AQR: variants seen among roughly 807,000 people sequenced by gnomAD.
AQR encodes RNA helicase aquarius.
AQR carries 61 observed loss-of-function variants against 180.5 expected under a neutral mutation model. That is an observed-to-expected ratio of 0.34 (90% confidence interval 0.28 to 0.42). AQR has a LOEUF of 0.42. Among genes scored for constraint, AQR ranks in the 10% least tolerant of loss-of-function variants. AQR has a pLI of 1.00. For synonymous variants in AQR, 551 were observed against 588.8 expected (o/e 0.94, Z 0.93); for missense variants, 1,281 against 1,798.3 (o/e 0.71, Z 5.20).
intron 16 of AQR, among the ~76,000 whole-genome samples, chr15:34,910,796 T>C (rs1334714989): frequency 1.3e-5 from 2 of 152,190 alleles, no homozygotes; most frequent in Non-Finnish European, 2.9e-5. Flanking sequence ...GCATTTTTTG[T>C]GTGTGTGGTA....
intron 23 of AQR, 67 bp from the exon 24 acceptor site, chr15:34,890,391 T>C (rs1893126203): frequency 3.0e-6 from 4 of 1,338,704 alleles, no homozygotes; most frequent in African/African-American, 3.0e-5. Flanking sequence ...TTAGAAAGAA[T>C]CAAAGTTGAA....
chr15:34,889,023 C>T (rs1410697735), intron 24 of AQR, among the ~76,000 whole-genome samples: 3 of 152,138 alleles, frequency 2.0e-5, no homozygotes, highest in Non-Finnish European at 2.9e-5. Flanking sequence ...AATTCTACCC[C>T]TATTCTAATA....
intron 17 of AQR, 151 bp from the exon 18 acceptor site, chr15:34,906,863 T>C (rs1354784987): frequency 1.5e-6 from 1 of 681,726 alleles, no homozygotes. Flanking sequence ...AACACAATTA[T>C]GGGCTTTTCT....
intron 14 of AQR, among the ~76,000 whole-genome samples, chr15:34,918,808 T>C (rs1031722470): frequency 6.6e-6 from 1 of 152,252 alleles, no homozygotes; most frequent in Non-Finnish European, 1.5e-5. Context: ...TTTTGGACTA[T>C]AGTTTTCATT....
intron 12 of AQR, among the ~76,000 whole-genome samples, chr15:34,928,503 G>A (rs764832726): frequency 7.2e-5 from 11 of 152,184 alleles, no homozygotes; most frequent in South Asian, 2.1e-4. Context: ...AGCTTCATCC[G>A]TGTCCCCGCA....
At chr15:34,893,607 GCACACACA>G (rs386382691) in intron 23 of AQR, 48 bp downstream of exon 23, 34,011 of 997,302 alleles carry the variant, frequency 0.034, 789 homozygotes, top group African/African-American at 0.087. Context: ...GCGCATGCGT[GCACACACA>G]CACACACACA....
intron 5 of AQR, among the ~76,000 whole-genome samples, chr15:34,945,365 C>A (rs1452154716): frequency 6.6e-6 from 1 of 152,166 alleles, no homozygotes; most frequent in Non-Finnish European, 1.5e-5. Context: ...TTCATTTGCC[C>A]AAGCCTGGAA....
chr15:34,969,076 T>C (rs1007004891), intron 1 of AQR, among the ~76,000 whole-genome samples: 10 of 152,266 alleles, frequency 6.6e-5, no homozygotes, highest in Admixed American at 3.9e-4. Context: ...GATAGGTCTA[T>C]TTGGAGGTGT....
chr15:34,858,303 A>G (rs2140455925), intron 34 of AQR, among the ~76,000 whole-genome samples: 1 of 137,778 alleles, frequency 7.3e-6, no homozygotes, highest in African/African-American at 2.7e-5. Context: ...TTTAAAAAGT[A>G]CCGTGCACGA....
At chr15:34,949,794 T>TA (rs755539183) in intron 4 of AQR, among the ~76,000 whole-genome samples, 1,583 of 114,122 alleles carry the variant, frequency 0.014, 18 homozygotes, top group African/African-American at 0.031. Flanking sequence ...TTATCTCTAT[T>TA]AAAAAAAAAA....
chr15:34,871,226 G>C (rs1441894734), intron 30 of AQR, among the ~76,000 whole-genome samples: 2 of 152,128 alleles, frequency 1.3e-5, no homozygotes, highest in East Asian at 3.9e-4. Flanking sequence ...TACTATTCTG[G>C]CCAGGCATGG....
chr15:34,930,791 T>C (rs1490180068), intron 11 of AQR, among the ~76,000 whole-genome samples: 3 of 151,576 alleles, frequency 2.0e-5, no homozygotes, highest in Non-Finnish European at 4.4e-5. Context: ...CAATTCATAA[T>C]TGGAGATACT....
At chr15:34,930,151 A>C (rs1427520092) in intron 12 of AQR, 107 bp downstream of exon 12, 1 of 583,456 alleles carries the variant, frequency 1.7e-6, no homozygotes, top group African/African-American at 1.8e-5. Context: ...TGAATATAAA[A>C]ACACTATTAA....
intron 30 of AQR, among the ~76,000 whole-genome samples, chr15:34,873,608 TG>T (rs1226874870): frequency 6.6e-6 from 1 of 152,190 alleles, no homozygotes; most frequent in Non-Finnish European, 1.5e-5. Flanking sequence ...ACTCCAACAC[TG>T]TATATTCATT....
intron 17 of AQR, among the ~76,000 whole-genome samples, chr15:34,908,509 G>A (rs1893453382): frequency 6.6e-6 from 1 of 151,874 alleles, no homozygotes; most frequent in Non-Finnish European, 1.5e-5. Flanking sequence ...TACCCTATCT[G>A]TGATCAATAT....
At chr15:34,954,010 G>T (rs1894270770) in intron 3 of AQR, among the ~76,000 whole-genome samples, 1 of 152,176 alleles carries the variant, frequency 6.6e-6, no homozygotes. Flanking sequence ...CGCCTCCCAG[G>T]CTCAAGCAAT....
chr15:34,856,573 G>A lies in AQR; in HGVS notation c.*219C>T. On this transcript the variant is annotated 3_prime_UTR_variant, in exon 35 of 35. Coordinates refer to ENST00000156471, the MANE Select transcript of AQR (RefSeq NM_014691.3). ...ACACTCAGTGATCAAAACATGAAAG[G>A]AATGGTTATTTGCTCTTCTGATTGA... 2.2e-6 allele frequency: 1 copy of A among 446,024 alleles called. No individual in the cohort carries two copies. The highest frequency in any genetic ancestry group is 3.3e-5 in the East Asian group (1 of 30,648). 27.6% of individuals were successfully genotyped at this position (446,024 alleles called of 1,614,324 possible). A position where few individuals can be genotyped will look rare whatever the true frequency, so the allele number is the denominator to read the frequency against.
In AQR at chr15:34,857,020, G is replaced by A. The variant is rs1223157751; in HGVS notation, c.4230C>T (p.Ala1410=). 2.5e-6 allele frequency: 4 copies of A among 1,613,748 alleles called. No homozygotes were observed. Among genetic ancestry groups the A allele is most frequent in the Non-Finnish European group, 3.4e-6 (4 of 1,179,956 alleles). The stretch of plus-strand genomic sequence containing the variant: ...GTATGATGTCAGCTTGAACAGTCAT[G>A]GCCTCTTCTTCTGTTTCCAATTCTG... The part of the protein sequence containing the change: ...QETELETEEE[A]MTVQADIIPS... The change falls in exon 35 of 35, where the codon GCC becomes GCT. Residue 1410 remains alanine (A), a synonymous_variant. Transcript: ENST00000156471.
intron 5 of AQR, among the ~76,000 whole-genome samples, chr15:34,946,134 G>A (rs1360416051): frequency 1.3e-5 from 2 of 152,098 alleles, no homozygotes; most frequent in African/African-American, 4.8e-5. Flanking sequence ...AGCTGGGCAT[G>A]GTGGCGGGCA....
Sources: allele counts gnomAD v4.1 joint callset (sites outside exome capture counted in the v4.1 genomes callset), GRCh38; gene constraint gnomAD v4.1.1; transcripts MANE v1.5; gene names NCBI Gene and HGNC (gene_info 2026-07-23, HGNC 2026-07-21).